Variants in NDUFA10 observed in about 807,000 individuals in gnomAD.
NDUFA10 encodes the protein NADH dehydrogenase [ubiquinone] 1 alpha subcomplex subunit 10, mitochondrial.
Under a neutral mutation model 47.8 loss-of-function variants are expected in NDUFA10, and 40 were observed. That is an observed-to-expected ratio of 0.84 (90% CI 0.65 to 1.09). The LOEUF (loss-of-function observed/expected upper bound fraction) is 1.09. NDUFA10 is among the 50% of genes least tolerant of loss of function. The pLI is 0.00. For synonymous variants in NDUFA10, 183 were observed against 172.2 expected, an observed-to-expected ratio of 1.06 and a Z score of -0.49; for missense variants, 413 against 451.1, an observed-to-expected ratio of 0.92 and a Z score of 0.76.
chr2:239,972,091 C>T (rs1695325057), intron 9 of NDUFA10, among the ~76,000 whole-genome samples: 2 of 151,862 alleles, frequency 1.3e-5, no homozygotes, highest in African/African-American at 4.8e-5. Flanking sequence ...ACCTCAGGGA[C>T]ATTCAAGGAT....
intron 3 of NDUFA10, among the ~76,000 whole-genome samples, chr2:240,018,893 A>C (rs1697484567): frequency 6.6e-6 from 1 of 152,124 alleles, no homozygotes; most frequent in Non-Finnish European, 1.5e-5. Flanking sequence ...TTAATACAAA[A>C]AGTGCTTGTT....
chr2:239,893,179 G>A (rs1335974929), intron 5 of NDUFA10, among the ~76,000 whole-genome samples: 1 of 152,248 alleles, frequency 6.6e-6, no homozygotes, highest in African/African-American at 2.4e-5. Flanking sequence ...AGGGCAGGGG[G>A]TGGGCTGATG....
At chr2:239,896,409 G>A (rs1343843124) in intron 4 of NDUFA10, among the ~76,000 whole-genome samples, 1 of 152,156 alleles carries the variant, frequency 6.6e-6, no homozygotes. Flanking sequence ...CAGTACCCTC[G>A]TCTTAACTGC....
downstream of NDUFA10, among the ~76,000 whole-genome samples, chr2:239,956,518 T>C (rs1002916726): frequency 4.6e-5 from 7 of 152,186 alleles, 1 homozygote; most frequent in South Asian, 1.5e-3. Context: ...CCTGCTGCAA[T>C]ACTGAGAGGA....
At chr2:239,935,802 A>G (rs1318190145) in intron 4 of NDUFA10, among the ~76,000 whole-genome samples, 2 of 152,304 alleles carry the variant, frequency 1.3e-5, no homozygotes, top group East Asian at 1.9e-4. Flanking sequence ...GCCATGTAAG[A>G]CATGCCTTTC....
chr2:239,960,701 C>T lies in NDUFA10; in HGVS notation c.*417G>A, dbSNP rs1187252009. 24 of 1,162,428 alleles carry T rather than the reference C, an allele frequency of 2.1e-5. 1 individual carries two copies. The South Asian group carries it at 2.4e-4, about 11-fold the overall frequency. 72.0% of individuals were successfully genotyped at this position (1,162,428 alleles called of 1,614,324 possible). On this transcript the variant is annotated 3_prime_UTR_variant, in exon 10 of 10. Transcript: ENST00000252711. ...CAGCGTGTGTGCACGTGTGCAGTTT[C>T]GACGTGCCCGCACGCACATAGACGT...
intron 1 of NDUFA10, 150 bp downstream of exon 1, chr2:240,025,077 A>G: frequency 1.3e-6 from 1 of 743,722 alleles, no homozygotes; most frequent in Non-Finnish European, 2.0e-6. Flanking sequence ...AAGACCAAAC[A>G]ATTCCGGAGG....
intron 4 of NDUFA10, among the ~76,000 whole-genome samples, chr2:239,952,180 G>T (rs1167883375): frequency 6.7e-6 from 1 of 148,250 alleles, no homozygotes; most frequent in Non-Finnish European, 1.5e-5. Flanking sequence ...TGGTGGGGCA[G>T]ACCTGCAAGC....
At position 239,983,550 on chromosome 2, in the gene NDUFA10, G is replaced by A. The variant is rs745592170; in HGVS notation, c.999+6524C>T. 6 of 1,601,510 alleles carry A rather than the reference G, an allele frequency of 3.7e-6. No homozygotes were observed. In the Admixed American group the frequency reaches 6.8e-5, roughly 18 times the overall value. On this transcript the variant is annotated intron_variant, in intron 9 of 9. Transcript: ENST00000252711. Reference sequence around the variant, plus strand: ...GGAACATAAAGGCTGTGGTGTGCATGGGGCTTTCTGGAAAGAGGAAGAGCA... The same window carrying A: ...GGAACATAAAGGCTGTGGTGTGCATAGGGCTTTCTGGAAAGAGGAAGAGCA...
intron 9 of NDUFA10, among the ~76,000 whole-genome samples, chr2:239,965,527 G>C (rs935912547): frequency 1.3e-5 from 2 of 152,268 alleles, no homozygotes; most frequent in South Asian, 2.1e-4. Flanking sequence ...TCCGGGAGCC[G>C]CAACGGGCCT....
intron 8 of NDUFA10, among the ~76,000 whole-genome samples, chr2:239,995,664 G>A (rs937744891): frequency 3.9e-5 from 6 of 152,132 alleles, no homozygotes; most frequent in Admixed American, 1.3e-4. Context: ...GACAGAGACT[G>A]TCAGAGTAGA....
intron 9 of NDUFA10, among the ~76,000 whole-genome samples, chr2:239,965,758 G>A (rs940115240): frequency 3.9e-5 from 6 of 152,186 alleles, no homozygotes; most frequent in Admixed American, 6.5e-5. Context: ...AGTATACACC[G>A]GGTGAGCAAA....
intron 4 of NDUFA10, among the ~76,000 whole-genome samples, chr2:239,922,141 G>T (rs1461037421): frequency 6.9e-6 from 1 of 144,560 alleles, no homozygotes; most frequent in Admixed American, 7.2e-5. Flanking sequence ...ATTATAAGCA[G>T]TTGCCCCTAA....
intron 6 of NDUFA10, among the ~76,000 whole-genome samples, chr2:240,010,873 T>A (rs905818821): frequency 2.6e-5 from 4 of 152,206 alleles, no homozygotes; most frequent in African/African-American, 7.2e-5. Flanking sequence ...ATTCACAACT[T>A]CAGTTACTTT....
chr2:239,967,258 C>T (rs888401566), intron 9 of NDUFA10, among the ~76,000 whole-genome samples: 3 of 152,338 alleles, frequency 2.0e-5, no homozygotes, highest in Admixed American at 6.5e-5. Context: ...CTTGGTTTCT[C>T]GTTATGAATT....
chr2:239,980,883 GCCT>G (rs1275681204), intron 9 of NDUFA10, among the ~76,000 whole-genome samples: 1 of 152,170 alleles, frequency 6.6e-6, no homozygotes, highest in Non-Finnish European at 1.5e-5. Context: ...CGGGGAGAAG[GCCT>G]CCTGCCAGCA....
chr2:239,986,681 G>T (rs772673095), intron 9 of NDUFA10, among the ~76,000 whole-genome samples: 1 of 152,116 alleles, frequency 6.6e-6, no homozygotes, highest in Non-Finnish European at 1.5e-5. Flanking sequence ...CAGAAAGAAC[G>T]ATAGAAACAG....
chr2:239,963,819 G>A (rs1416676719), intron 9 of NDUFA10, among the ~76,000 whole-genome samples: 2 of 152,230 alleles, frequency 1.3e-5, no homozygotes. Flanking sequence ...AGCACTGCAT[G>A]GCTGAGGCCT....
At chr2:239,915,597 C>T (rs1435276896) in intron 4 of NDUFA10, among the ~76,000 whole-genome samples, 2 of 146,888 alleles carry the variant, frequency 1.4e-5, no homozygotes, top group Non-Finnish European at 3.0e-5. Flanking sequence ...CAGAGATACA[C>T]ATACACACAC....
Sources: allele counts gnomAD v4.1 joint callset (sites outside exome capture counted in the v4.1 genomes callset), GRCh38; gene constraint gnomAD v4.1.1; transcripts MANE v1.5; gene names NCBI Gene and HGNC (gene_info 2026-07-23, HGNC 2026-07-21).